Variants in KCNQ5 observed in about 807,000 individuals in gnomAD.
KCNQ5 encodes potassium voltage-gated channel subfamily Q member 5.
KCNQ5 carries 30 observed loss-of-function variants against 98.2 expected under a neutral mutation model. That is an observed-to-expected ratio of 0.31 (90% confidence interval 0.23 to 0.41). The LOEUF (loss-of-function observed/expected upper bound fraction) is 0.41. Among genes scored for constraint, KCNQ5 ranks in the 10% least tolerant of loss-of-function variants. The pLI, the probability that KCNQ5 is intolerant of heterozygous loss-of-function variation, is 1.00. For missense variants in KCNQ5, 835 were observed against 1,182.5 expected (o/e 0.71, Z 4.31); for synonymous variants, 458 against 449.4 (o/e 1.02, Z -0.24).
At chr6:73,121,689 C>T (rs1221875108) in intron 8 of KCNQ5, among the ~76,000 whole-genome samples, 1 of 152,192 alleles carries the variant, frequency 6.6e-6, no homozygotes, top group Non-Finnish European at 1.5e-5. Flanking sequence ...GAGATATCAG[C>T]TGAGGAAACC....
chr6:73,096,901 G>A (rs937017971), intron 5 of KCNQ5, among the ~76,000 whole-genome samples: 1 of 151,964 alleles, frequency 6.6e-6, no homozygotes, highest in South Asian at 2.1e-4. Flanking sequence ...AAATTAGCTG[G>A]GTGTGGTGGC....
intron 1 of KCNQ5, among the ~76,000 whole-genome samples, chr6:72,981,232 G>C (rs939421249): frequency 6.6e-6 from 1 of 152,148 alleles, no homozygotes; most frequent in Admixed American, 6.5e-5. Context: ...CAGAAGAAAT[G>C]GTACCAGCTC....
At chr6:73,022,784 G>T (rs1424284594) in intron 2 of KCNQ5, among the ~76,000 whole-genome samples, 2 of 152,190 alleles carry the variant, frequency 1.3e-5, no homozygotes, top group Non-Finnish European at 2.9e-5. Context: ...ATTGAAGGAA[G>T]CTTCCATAGA....
At chr6:73,112,262 A>G (rs1453932010) in intron 7 of KCNQ5, among the ~76,000 whole-genome samples, 1 of 152,188 alleles carries the variant, frequency 6.6e-6, no homozygotes, top group African/African-American at 2.4e-5. Context: ...GTGGTGCTCC[A>G]AGGCCCTAGG....
intron 1 of KCNQ5, among the ~76,000 whole-genome samples, chr6:72,720,526 G>C (rs1769903155): frequency 6.6e-6 from 1 of 152,198 alleles, no homozygotes; most frequent in African/African-American, 2.4e-5. Context: ...GATTCTAGAT[G>C]GGGGTTTGAC....
chr6:72,705,552 CT>C (rs1175986484), intron 1 of KCNQ5, among the ~76,000 whole-genome samples: 1 of 150,434 alleles, frequency 6.6e-6, no homozygotes, highest in African/African-American at 2.5e-5. Flanking sequence ...AGAGGTTTTA[CT>C]GTCCAAATTT....
intron 1 of KCNQ5, among the ~76,000 whole-genome samples, chr6:72,982,821 T>C (rs1484012785): frequency 1.3e-5 from 2 of 152,212 alleles, no homozygotes; most frequent in Admixed American, 6.5e-5. Flanking sequence ...GTTGTTGCTT[T>C]CCATGTTTAG....
intron 10 of KCNQ5, among the ~76,000 whole-genome samples, chr6:73,140,314 T>C (rs984573922): frequency 6.6e-6 from 1 of 152,232 alleles, no homozygotes; most frequent in Non-Finnish European, 1.5e-5. Context: ...GTTGACATTT[T>C]TGGTGTTTCC....
intron 9 of KCNQ5, among the ~76,000 whole-genome samples, chr6:73,130,974 C>T (rs1582413965): frequency 6.6e-6 from 1 of 152,018 alleles, no homozygotes; most frequent in African/African-American, 2.4e-5. Context: ...AAATAATAGA[C>T]ATTAGCAAAT....
chr6:73,109,313 A>G (rs1775130783), intron 6 of KCNQ5, among the ~76,000 whole-genome samples: 1 of 152,238 alleles, frequency 6.6e-6, no homozygotes, highest in South Asian at 2.1e-4. Flanking sequence ...TTAAACTCCG[A>G]ACCTCACATC....
intron 1 of KCNQ5, among the ~76,000 whole-genome samples, chr6:72,628,645 C>T (rs1449086590): frequency 2.0e-5 from 3 of 152,170 alleles, no homozygotes; most frequent in African/African-American, 7.2e-5. Context: ...AGCCTCACTC[C>T]GTTGCCCAGG....
At chr6:72,750,497 G>C (rs1226405899) in intron 1 of KCNQ5, among the ~76,000 whole-genome samples, 3 of 151,990 alleles carry the variant, frequency 2.0e-5, no homozygotes, top group Non-Finnish European at 4.4e-5. Flanking sequence ...ACTAGCTGTT[G>C]CTAGATGTCG....
chr6:72,833,041 A>C (rs1392006647), intron 1 of KCNQ5, among the ~76,000 whole-genome samples: 1 of 152,190 alleles, frequency 6.6e-6, no homozygotes, highest in African/African-American at 2.4e-5. Context: ...ATGTTTCTGC[A>C]CGTGGAAATA....
At chr6:73,129,677 A>G in intron 9 of KCNQ5, 4 of 752,712 alleles carry the variant, frequency 5.3e-6, no homozygotes, top group Non-Finnish European at 8.8e-6. Context: ...TAGTCTGTGT[A>G]CTTCTATATT....
At chr6:73,058,721 A>C (rs1305153395) in intron 3 of KCNQ5, among the ~76,000 whole-genome samples, 1 of 152,224 alleles carries the variant, frequency 6.6e-6, no homozygotes, top group Non-Finnish European at 1.5e-5. Flanking sequence ...TATAAGCAAA[A>C]AAACAAACAA....
Position 72,638,570 on chromosome 6 carries a change from T to C in KCNQ5, c.398+15983T>C, listed in dbSNP as rs2098925470. Among the ~76,000 whole-genome samples the C allele has an allele frequency of 2.0e-5, 3 of 152,132 alleles. No individual in the cohort carries two copies. The South Asian group carries it at 6.2e-4, about 32-fold the overall frequency. ...TCCTCTAATTGAAGGGTAGCTATCATAATTTAAAATTGTCATCATGAAGGA... is the reference window on the plus strand; with the variant it reads ...TCCTCTAATTGAAGGGTAGCTATCACAATTTAAAATTGTCATCATGAAGGA... On this transcript the variant is annotated intron_variant, in intron 1 of 13. Transcript: ENST00000370398.
At chr6:73,044,303 G>A (rs1232539586) in intron 3 of KCNQ5, among the ~76,000 whole-genome samples, 2 of 152,066 alleles carry the variant, frequency 1.3e-5, no homozygotes, top group Non-Finnish European at 2.9e-5. Flanking sequence ...GTATGACATG[G>A]TTTAGGCATA....
chr6:73,143,426 C>G (rs1157183980), intron 10 of KCNQ5: 4 of 152,124 alleles, frequency 2.6e-5, no homozygotes, highest in Non-Finnish European at 5.9e-5. Context: ...CTGTCCTTAC[C>G]CTAGTTTCAC....
intron 1 of KCNQ5, among the ~76,000 whole-genome samples, chr6:72,688,599 C>A (rs530919441): frequency 2.0e-5 from 3 of 152,200 alleles, no homozygotes; most frequent in African/African-American, 7.2e-5. Context: ...TTGTTGATTT[C>A]TCTCAGCAAT....
Sources: gnomAD v4.1 joint callset for allele counts (sites outside exome capture counted in the v4.1 genomes callset) on GRCh38, gnomAD v4.1.1 for gene constraint, MANE v1.5 for transcripts, NCBI Gene and HGNC (gene_info 2026-07-23, HGNC 2026-07-21) for gene names.